Variants in ZNF407 observed in about 807,000 individuals in gnomAD.
ZNF407 encodes zinc finger protein 407.
ZNF407 carries 17 observed loss-of-function variants against 131.2 expected under a neutral mutation model. The ratio of observed to expected loss-of-function variants is 0.13; its 90% CI spans 0.09 to 0.19. The LOEUF (loss-of-function observed/expected upper bound fraction) is 0.19, where lower values mean the gene tolerates loss of function less well. ZNF407 is among the 10% of genes least tolerant of loss of function. The probability of loss-of-function intolerance (pLI) is 1.00; values close to 1 mark genes in which losing one functional copy is unlikely to be tolerated. For synonymous variants in ZNF407, 1,156 were observed against 1,062.0 expected (o/e 1.09, Z -1.72); for missense variants, 2,681 against 2,830.6 (o/e 0.95, Z 1.20).
chr18:74,929,104 T>C (rs960490268), intron 8 of ZNF407, among the ~76,000 whole-genome samples: 1 of 152,292 alleles, frequency 6.6e-6, no homozygotes, highest in South Asian at 2.1e-4. Flanking sequence ...CCCGGCTCAC[T>C]CATGCTCATC....
intron 3 of ZNF407, among the ~76,000 whole-genome samples, chr18:74,661,836 G>C (rs778745992): frequency 3.4e-4 from 51 of 152,098 alleles, no homozygotes; most frequent in Admixed American, 2.2e-3. Context: ...GCTAAATTTG[G>C]CTGAGAGTGC....
At chr18:74,915,323 T>A (rs1210634959) in intron 7 of ZNF407, among the ~76,000 whole-genome samples, 1 of 58,906 alleles carries the variant, frequency 1.7e-5, no homozygotes, top group African/African-American at 8.6e-5. Context: ...GAATCGGGAG[T>A]GTGTGTGTGT....
intron 8 of ZNF407, among the ~76,000 whole-genome samples, chr18:74,951,405 T>C (rs939467262): frequency 1.3e-5 from 2 of 152,188 alleles, no homozygotes; most frequent in Non-Finnish European, 2.9e-5. Context: ...TTGATTTGCC[T>C]AAACTGTTTT....
intron 8 of ZNF407, among the ~76,000 whole-genome samples, chr18:74,928,595 T>G (rs1289973441): frequency 6.6e-6 from 1 of 152,230 alleles, no homozygotes; most frequent in Non-Finnish European, 1.5e-5. Context: ...TAAAATACTT[T>G]GATTTCTTAT....
At chr18:74,684,199 A>G (rs1316973705) in intron 3 of ZNF407, among the ~76,000 whole-genome samples, 2 of 152,058 alleles carry the variant, frequency 1.3e-5, no homozygotes, top group African/African-American at 2.4e-5. Context: ...GAGGCCTCTA[A>G]ATTTTTCAAA....
At chr18:74,957,373 T>C (rs567492963) in intron 8 of ZNF407, among the ~76,000 whole-genome samples, 122 of 151,738 alleles carry the variant, frequency 8.0e-4, no homozygotes, top group African/African-American at 2.8e-3. Context: ...ATTTGGGAGG[T>C]GTTGCATTTT....
At chr18:74,759,321 C>T (rs1314295211) in intron 3 of ZNF407, among the ~76,000 whole-genome samples, 3 of 152,188 alleles carry the variant, frequency 2.0e-5, no homozygotes, top group East Asian at 1.9e-4. Context: ...ATTCTGTGGA[C>T]ATGTTTGAGT....
intron 6 of ZNF407, among the ~76,000 whole-genome samples, chr18:74,885,148 A>G (rs551820428): frequency 2.5e-4 from 38 of 152,304 alleles, no homozygotes; most frequent in African/African-American, 8.9e-4. Context: ...CCTAAGTCTT[A>G]TTATACAGCA....
chr18:74,633,168 T>A lies in ZNF407; in HGVS notation c.2149T>A (p.Ser717Thr). The A allele has an allele frequency of 6.2e-7, 1 of 1,613,436 alleles. No homozygotes were observed. Among genetic ancestry groups the A allele is most frequent in the South Asian group, 1.1e-5 (1 of 90,952 alleles). The change falls in exon 2 of 9, where the codon TCT becomes ACT. Residue 717 changes from serine (S) to threonine (T), a missense_variant. Physicochemically the swap from Ser to Thr is moderately conservative, Grantham distance 58. Around this residue, in one of 6 missense-constraint regions of ZNF407, gnomAD observed 1,789 missense variants for 1,748.7 expected, o/e 1.02. Coordinates refer to ENST00000299687, the MANE Select transcript of ZNF407 (RefSeq NM_017757.3). ...GAAGTGTTTTTATAAAACAAGATCTTCTACTGTTCTCACGAGACATATAAA... is the reference window on the plus strand; with the variant it reads ...GAAGTGTTTTTATAAAACAAGATCTACTACTGTTCTCACGAGACATATAAA... ...CKKCFYKTRS[S>T]TVLTRHIKLR...
intron 8 of ZNF407, among the ~76,000 whole-genome samples, chr18:74,972,069 T>C (rs1281487208): frequency 6.6e-6 from 1 of 152,152 alleles, no homozygotes; most frequent in Non-Finnish European, 1.5e-5. Flanking sequence ...CGGGAAAAAC[T>C]GGCCCCCATG....
chr18:75,013,803 T>C (rs565254245), intron 8 of ZNF407, among the ~76,000 whole-genome samples: 6 of 152,280 alleles, frequency 3.9e-5, no homozygotes, highest in Admixed American at 6.5e-5. Context: ...GCAAGTGTAC[T>C]GCTTGCCTTA....
intron 6 of ZNF407, among the ~76,000 whole-genome samples, chr18:74,888,422 C>T (rs971827205): frequency 1.3e-5 from 2 of 152,024 alleles, no homozygotes; most frequent in Admixed American, 6.6e-5. Flanking sequence ...ATTTCTACAT[C>T]AAATCAATGT....
intron 3 of ZNF407, among the ~76,000 whole-genome samples, chr18:74,695,398 A>C (rs1396598925): frequency 4.6e-5 from 7 of 151,902 alleles, no homozygotes. Context: ...CTAAAAATAC[A>C]CTCTGGTGAC....
intron 8 of ZNF407, among the ~76,000 whole-genome samples, chr18:74,974,158 A>T (rs1223733885): frequency 6.6e-6 from 1 of 152,180 alleles, no homozygotes; most frequent in African/African-American, 2.4e-5. Context: ...GATGGACATT[A>T]TGTCTCCCAC....
intron 3 of ZNF407, among the ~76,000 whole-genome samples, chr18:74,644,872 T>C (rs984526124): frequency 6.6e-6 from 1 of 152,034 alleles, no homozygotes; most frequent in African/African-American, 2.4e-5. Context: ...TTTGTACTTT[T>C]TTTTTCTCTC....
chr18:74,941,523 A>T (rs990994922), intron 8 of ZNF407, among the ~76,000 whole-genome samples: 1 of 152,210 alleles, frequency 6.6e-6, no homozygotes, highest in Non-Finnish European at 1.5e-5. Flanking sequence ...AAACACATAC[A>T]CAACACATAA....
intron 8 of ZNF407, among the ~76,000 whole-genome samples, chr18:75,049,009 C>T (rs1281760750): frequency 2.0e-5 from 3 of 149,704 alleles, no homozygotes; most frequent in African/African-American, 2.5e-5. Context: ...CTGCCAGCCA[C>T]GCTCCTTGAC....
chr18:74,627,920 G>C (rs1464503938), intron 1 of ZNF407, among the ~76,000 whole-genome samples: 2 of 139,168 alleles, frequency 1.4e-5, no homozygotes, highest in Non-Finnish European at 3.0e-5. Context: ...TGTTGCCCAG[G>C]CTGGAACGCA....
At chr18:74,862,304 C>T (rs897083902) in intron 4 of ZNF407, among the ~76,000 whole-genome samples, 5 of 152,182 alleles carry the variant, frequency 3.3e-5, no homozygotes, top group Non-Finnish European at 7.3e-5. Flanking sequence ...GCTGGCTGCA[C>T]GTTGGATCGA....
Sources: gnomAD v4.1 joint callset for allele counts (sites outside exome capture counted in the v4.1 genomes callset) on GRCh38, gnomAD v4.1.1 for gene constraint, gnomAD v4.1.1 regional missense constraint, MANE v1.5 for transcripts, NCBI Gene and HGNC (gene_info 2026-07-23, HGNC 2026-07-21) for gene names.